The following DDX1 variants were observed in gnomAD, a reference collection of about 807,000 sequenced individuals.
DDX1 encodes DEAD-box helicase 1, also known as ATP-dependent RNA helicase DDX1.
Under a neutral mutation model 108.7 loss-of-function variants are expected in DDX1, and 28 were observed. The ratio of observed to expected loss-of-function variants is 0.26; its 90% CI spans 0.19 to 0.35. The LOEUF (loss-of-function observed/expected upper bound fraction) is 0.35, where lower values mean the gene tolerates loss of function less well. Ranked by LOEUF, DDX1 falls within the 10% of genes least tolerant of loss-of-function variation. The pLI, the probability that DDX1 is intolerant of heterozygous loss-of-function variation, is 1.00. For missense variants in DDX1, 710 were observed against 884.5 expected (o/e 0.80, Z 2.50); for synonymous variants, 295 against 288.9 (o/e 1.02, Z -0.21).
rs556403551 is a variant in DDX1 at position 15,606,832 on chromosome 2, T to A, written c.818-343T>A. Among the ~76,000 whole-genome samples, 39 of 152,284 alleles carry A rather than the reference T, an allele frequency of 2.6e-4. 1 individual carries two copies. In the South Asian group the frequency reaches 7.9e-3, roughly 31 times the overall value. On this transcript the variant is annotated intron_variant, in intron 12 of 25. Transcript: ENST00000233084. ...TATTCCAAGTAGATTTTTATTGTTG[T>A]TTTAAGAGAGGGGATCTCACTGTGT...
intron 25 of DDX1, among the ~76,000 whole-genome samples, chr2:15,630,513 G>A (rs999639676): frequency 2.0e-5 from 3 of 152,180 alleles, no homozygotes; most frequent in Non-Finnish European, 2.9e-5. Flanking sequence ...CTGAAAAATT[G>A]TAAGACTCAG....
rs1665506841 is a variant in DDX1, at chr2:15,596,771, ATAAAT to A, written c.162+11_162+15del. On this transcript the variant is annotated intron_variant, in intron 4 of 25. Coordinates refer to ENST00000233084, the MANE Select transcript of DDX1 (RefSeq NM_004939.3). ...GGAAGTGGCAAAACTGGTGTAAGTA[ATAAAT>A]TATATTTACTTTCTCTCTAAAAGTT... 2 of 1,601,252 alleles carry A rather than the reference ATAAAT, an allele frequency of 1.2e-6. No homozygotes were observed. The highest frequency in any genetic ancestry group is 2.7e-5 in the African/African-American group (2 of 74,784).
intron 13 of DDX1, among the ~76,000 whole-genome samples, chr2:15,611,764 C>G (rs1331525346): frequency 1.0e-5 from 1 of 100,488 alleles, no homozygotes; most frequent in African/African-American, 4.9e-5. Flanking sequence ...CCCTCCCGGA[C>G]GGGGTGGCTG....
intron 16 of DDX1, among the ~76,000 whole-genome samples, chr2:15,619,179 G>A (rs928501512): frequency 2.6e-5 from 4 of 152,068 alleles, no homozygotes; most frequent in Non-Finnish European, 4.4e-5. Context: ...CAACCTCACT[G>A]CTCCCCCTCT....
At chr2:15,598,430 A>G (rs1665535819) in intron 5 of DDX1, among the ~76,000 whole-genome samples, 2 of 152,202 alleles carry the variant, frequency 1.3e-5, no homozygotes, top group Admixed American at 1.3e-4. Flanking sequence ...CCATAGTGAT[A>G]ATGGTTCTGA....
At position 15,612,084 on chromosome 2, in the gene DDX1, G is replaced by A. The variant is rs567206050; in HGVS notation, c.957-1140G>A. ...CTCCCGGAGGGGGCGGCTGGCTGGC[G>A]GGGCCTGACCCCCCCACCTCCCTCC... On this transcript the variant is annotated intron_variant, in intron 13 of 25. Coordinates refer to ENST00000233084, the MANE Select transcript of DDX1 (RefSeq NM_004939.3). Among the ~76,000 whole-genome samples, 181 of 82,868 alleles carry A rather than the reference G, an allele frequency of 2.2e-3. 7 individuals carry two copies. Among genetic ancestry groups the A allele is most frequent in the Middle Eastern group, 6.7e-3 (1 of 150 alleles). The allele number at this position is 82,868 out of a possible 152,430, so 54.4% of individuals were successfully genotyped here. A position where few individuals can be genotyped will look rare whatever the true frequency, so the allele number is the denominator to read the frequency against.
chr2:15,623,381 A>G (rs942053388), intron 18 of DDX1, 55 bp from the exon 19 acceptor site: 5 of 1,577,474 alleles, frequency 3.2e-6, no homozygotes, highest in Non-Finnish European at 4.3e-6. Flanking sequence ...ATGTGTATTC[A>G]TGACAAGTTC....
Position 15,597,769 on chromosome 2 carries a change from T to C in DDX1, c.259+298T>C, listed in dbSNP as rs558233715. The stretch of plus-strand genomic sequence containing the variant: ...CCTTATAACTTTCTATGCTTAATGC[T>C]AAAGGAAAATAGGTACATTTTACAA... On this transcript the variant is annotated intron_variant, in intron 5 of 25. Transcript: ENST00000233084. Among the ~76,000 whole-genome samples the C allele has an allele frequency of 3.3e-5, 5 of 152,308 alleles. No individual in the cohort carries two copies. In the South Asian group the frequency reaches 6.2e-4, roughly 19 times the overall value.
At chr2:15,608,668 T>TG (rs1558454216) in intron 13 of DDX1, among the ~76,000 whole-genome samples, 17 of 93,028 alleles carry the variant, frequency 1.8e-4, no homozygotes, top group African/African-American at 9.6e-4. Flanking sequence ...TTTAGGTTTT[T>TG]TTTTTTTTTT....
Position 15,606,204 on chromosome 2 carries a change from G to A in DDX1, c.757G>A (p.Asp253Asn). The A allele has an allele frequency of 6.2e-7, 1 of 1,614,138 alleles. No individual in the cohort carries two copies. Among genetic ancestry groups the A allele is most frequent in the Non-Finnish European group, 8.5e-7 (1 of 1,179,994 alleles). The change falls in exon 12 of 26, where the codon GAT (aspartate) becomes AAT (asparagine). Residue 253 changes from aspartate to asparagine, a missense_variant. Physicochemically the swap from Asp to Asn is conservative, Grantham distance 23. Coordinates refer to ENST00000233084, the MANE Select transcript of DDX1 (RefSeq NM_004939.3). ...AGAGGAATTTAAGTTTCCACCAAAA[G>A]ATGGCTTTGTTGCTCTTTCCAAGGC... ...GEEEFKFPPK[D>N]GFVALSKAPD...
chr2:15,596,644 ATGTTAAAGATTTCTACATACTATGG>A, intron 3 of DDX1, 65 bp from the exon 4 acceptor site: 1 of 1,126,644 alleles, frequency 8.9e-7, no homozygotes, highest in Non-Finnish European at 1.3e-6. Context: ...AGCCAGTCAA[ATGTTAAAGATTTCTACATACTATGG>A]TGTTAGTTTG....
At chr2:15,611,468 G>A (rs1051569087) in intron 13 of DDX1, among the ~76,000 whole-genome samples, 1 of 145,964 alleles carries the variant, frequency 6.9e-6, no homozygotes, top group Non-Finnish European at 1.5e-5. Context: ...CGGCCGGGCA[G>A]AGGCTCCCCC....
At chr2:15,611,243 T>C (rs1386691884) in intron 13 of DDX1, among the ~76,000 whole-genome samples, 1 of 151,480 alleles carries the variant, frequency 6.6e-6, no homozygotes, top group Non-Finnish European at 1.5e-5. Flanking sequence ...GAAGAATTTT[T>C]CTTAGTACAG....
Position 15,599,726 on chromosome 2 carries a change from T to C in DDX1, c.307+10T>C, listed in dbSNP as rs772414674. 6 of 1,600,294 alleles carry C rather than the reference T, an allele frequency of 3.7e-6. No homozygotes were observed. The African/African-American group carries it at 6.7e-5, about 18-fold the overall frequency. ...AGAGGATCTGCTTTTGGTAAGTGGA[T>C]AGACTTTCCATCAGCTCATTTGTAA... On this transcript the variant is annotated intron_variant, in intron 6 of 25. Coordinates refer to ENST00000233084, the MANE Select transcript of DDX1 (RefSeq NM_004939.3).
At chr2:15,598,198 A>C (rs1317655520) in intron 5 of DDX1, among the ~76,000 whole-genome samples, 1 of 152,208 alleles carries the variant, frequency 6.6e-6, no homozygotes, top group African/African-American at 2.4e-5. Flanking sequence ...GTTGAAGACC[A>C]GTGAACCTGT....
chr2:15,630,702 T>A, intron 25 of DDX1, 74 bp from the exon 26 acceptor site: 1 of 1,514,626 alleles, frequency 6.6e-7, no homozygotes, highest in Non-Finnish European at 9.0e-7. Context: ...AGTGATATAA[T>A]TGAGCCAAAG....
intron 13 of DDX1, 149 bp downstream of exon 13, chr2:15,607,462 A>G: frequency 5.1e-6 from 3 of 593,170 alleles, no homozygotes; most frequent in South Asian, 3.9e-5. Context: ...AATAATTTCC[A>G]TATACAACTC....
Position 15,617,294 on chromosome 2 carries a change from T to A in DDX1, c.1068T>A (p.Thr356=). ...GAAGACTAGATGACTTGGTGTCAAC[T>A]GGAAAGCTGAACTTATCTCAAGTTA... ...TPGRLDDLVS[T]GKLNLSQVRF... Residue 356 remains threonine, a synonymous_variant, in exon 15 of 26, where the codon ACT becomes ACA. Coordinates refer to ENST00000233084, the MANE Select transcript of DDX1 (RefSeq NM_004939.3). 2.5e-6 allele frequency: 4 copies of A among 1,596,868 alleles called. No homozygotes were observed. Among genetic ancestry groups the A allele is most frequent in the Non-Finnish European group, 3.4e-6 (4 of 1,169,784 alleles).
At chr2:15,619,304 C>A (rs1665951624) in intron 16 of DDX1, among the ~76,000 whole-genome samples, 1 of 152,240 alleles carries the variant, frequency 6.6e-6, no homozygotes, top group Non-Finnish European at 1.5e-5. Context: ...CTCCCCGCAG[C>A]AGTGGCGGGC....
Sources: gnomAD v4.1 joint callset for allele counts (sites outside exome capture counted in the v4.1 genomes callset) on GRCh38, gnomAD v4.1.1 for gene constraint, MANE v1.5 for transcripts, NCBI Gene and HGNC (gene_info 2026-07-23, HGNC 2026-07-21) for gene names.